TCEA3: variants seen among roughly 807,000 people sequenced by gnomAD.
The protein encoded by TCEA3 is transcription elongation factor A protein 3.
A neutral mutation model predicts 44.0 loss-of-function variants in TCEA3; 36 were observed. The ratio of observed to expected loss-of-function variants is 0.82; its 90% CI spans 0.63 to 1.08. TCEA3 has a LOEUF of 1.08. Among genes scored for constraint, TCEA3 ranks in the 50% least tolerant of loss-of-function variants. The probability of loss-of-function intolerance (pLI) is 0.00; values close to 1 mark genes in which losing one functional copy is unlikely to be tolerated. For synonymous variants in TCEA3, 162 were observed against 159.7 expected (o/e 1.01, Z -0.11); for missense variants, 392 against 441.2 (o/e 0.89, Z 1.00).
intron 2 of TCEA3, 51 bp downstream of exon 2, chr1:23,419,026 C>T (rs1314183020): frequency 2.0e-6 from 2 of 1,006,874 alleles, no homozygotes; most frequent in Admixed American, 3.2e-5. Flanking sequence ...TTCCCTCCCC[C>T]ACCAGCTCTC....
At chr1:23,399,140 A>ATATG (rs201022740) in intron 5 of TCEA3, among the ~76,000 whole-genome samples, 4 of 74,032 alleles carry the variant, frequency 5.4e-5, no homozygotes, top group African/African-American at 8.1e-5. Flanking sequence ...ATATATGTAT[A>ATATG]TATGTATATA....
chr1:23,386,967 G>A (rs985185642), intron 9 of TCEA3, among the ~76,000 whole-genome samples: 4 of 152,092 alleles, frequency 2.6e-5, no homozygotes, highest in African/African-American at 7.2e-5. Flanking sequence ...TGATCCGCCC[G>A]TCTTGGCCTC....
At chr1:23,385,352 G>A (rs185981605) in intron 9 of TCEA3, among the ~76,000 whole-genome samples, 206 of 152,352 alleles carry the variant, frequency 1.4e-3, no homozygotes, top group East Asian at 1.9e-3. Context: ...ACAGCTTAGC[G>A]CAGCCTGGTC....
chr1:23,407,449 C>G (rs1383713012), intron 5 of TCEA3, among the ~76,000 whole-genome samples: 1 of 152,092 alleles, frequency 6.6e-6, no homozygotes, highest in Non-Finnish European at 1.5e-5. Context: ...TTCCCCCAAC[C>G]CTCCCCTTCG....
chr1:23,417,143 T>A (rs746957069), intron 4 of TCEA3, 106 bp downstream of exon 4: 204 of 1,395,982 alleles, frequency 1.5e-4, no homozygotes, highest in Non-Finnish European at 1.8e-4. Flanking sequence ...AATACCAATA[T>A]CTTCCTCCCC....
At chr1:23,406,357 C>T (rs1639544732) in intron 5 of TCEA3, among the ~76,000 whole-genome samples, 1 of 152,186 alleles carries the variant, frequency 6.6e-6, no homozygotes, top group Non-Finnish European at 1.5e-5. Flanking sequence ...GCTCTCACAC[C>T]TACTCTCCCA....
chr1:23,409,843 C>T (rs1351313839), intron 4 of TCEA3, among the ~76,000 whole-genome samples: 2 of 152,094 alleles, frequency 1.3e-5, no homozygotes, highest in African/African-American at 4.8e-5. Flanking sequence ...GCCACTGTGT[C>T]TGGCCAATTT....
At chr1:23,386,724 AT>A (rs35510531) in intron 9 of TCEA3, among the ~76,000 whole-genome samples, 128,282 of 149,780 alleles carry the variant, frequency 0.86, 55,535 homozygotes, top group Non-Finnish European at 0.91. Flanking sequence ...TGCCTGGCTA[AT>A]TTTTTTTTTC....
At chr1:23,387,669 G>A (rs976481563) in intron 8 of TCEA3, among the ~76,000 whole-genome samples, 8 of 152,204 alleles carry the variant, frequency 5.3e-5, no homozygotes, top group Admixed American at 2.0e-4. Context: ...GCCTCTGCCC[G>A]AGGACGAGCA....
rs72882973 is a variant in TCEA3, at chr1:23,403,017, C to T, written c.444-5062G>A. Among the ~76,000 whole-genome samples the T allele has an allele frequency of 6.5e-3, 995 of 152,294 alleles. 15 individuals carry two copies. The highest frequency in any genetic ancestry group is 0.022 in the African/African-American group (934 of 41,564). On this transcript the variant is annotated intron_variant, in intron 5 of 10. Transcript: ENST00000450454. ...AGAGGGATCTCTCTCTCTGGGAGTA[C>T]GAGAGGGATCTCTCTCAAAGCCAGC...
intron 10 of TCEA3, among the ~76,000 whole-genome samples, chr1:23,382,150 G>A (rs534875106): frequency 2.6e-5 from 4 of 151,444 alleles, no homozygotes; most frequent in Non-Finnish European, 4.4e-5. Flanking sequence ...GAGTTCAAGC[G>A]AGTCTCCTGC....
intron 8 of TCEA3, among the ~76,000 whole-genome samples, chr1:23,392,427 ACTC>A (rs2148551934): frequency 1.0e-4 from 2 of 19,580 alleles, no homozygotes; most frequent in East Asian, 1.7e-3. Context: ...ATACACACAC[ACTC>A]CACACATCAT....
intron 1 of TCEA3, among the ~76,000 whole-genome samples, chr1:23,424,211 CA>C (rs1405721088): frequency 6.6e-6 from 1 of 151,644 alleles, no homozygotes; most frequent in African/African-American, 2.4e-5. Context: ...TTGCACACGC[CA>C]AGCCCTGGGA....
chr1:23,424,530 G>A, intron 1 of TCEA3, 35 bp downstream of exon 1: 1 of 1,580,844 alleles, frequency 6.3e-7, no homozygotes, highest in Non-Finnish European at 8.6e-7. Flanking sequence ...CGCCTCCCGG[G>A]GGCGGGGGCC....
intron 4 of TCEA3, among the ~76,000 whole-genome samples, chr1:23,413,104 A>T (rs1408257422): frequency 6.6e-6 from 1 of 152,180 alleles, no homozygotes; most frequent in Non-Finnish European, 1.5e-5. Flanking sequence ...AAATTTTATT[A>T]ACAAAATATA....
chr1:23,402,966 C>G (rs1274200468), intron 5 of TCEA3, among the ~76,000 whole-genome samples: 1 of 152,188 alleles, frequency 6.6e-6, no homozygotes, highest in Non-Finnish European at 1.5e-5. Context: ...TTTGGAAGGA[C>G]AGTGGCCCCA....
intron 8 of TCEA3, among the ~76,000 whole-genome samples, chr1:23,389,648 T>C (rs542019552): frequency 2.6e-5 from 4 of 152,120 alleles, no homozygotes; most frequent in Admixed American, 6.5e-5. Context: ...AGACTCCGTC[T>C]CAAAAAACAA....
In TCEA3 at chr1:23,384,412, C is replaced by G. The variant is rs1242689192; in HGVS notation, c.972G>C (p.Gln324His). 6.2e-7 allele frequency: 1 copy of G among 1,612,940 alleles called. No individual in the cohort carries two copies. Among genetic ancestry groups the G allele is most frequent in the African/African-American group, 1.3e-5 (1 of 75,070 alleles). ...TCATGGGCTCATCAGCACTGCGTGT[C>G]TGCACCTGAGAGAGAGAAGAACCAC... Reference protein sequence around the residue: ...KKKNCTYNQVQTRSADEPMTT... With the variant: ...KKKNCTYNQVHTRSADEPMTT... The change falls in exon 10 of 11, where the codon CAG (glutamine) becomes CAC (histidine). Residue 324 changes from glutamine to histidine, a missense_variant. Gln to His is a conservative substitution (Grantham distance 24). Coordinates refer to ENST00000450454, the MANE Select transcript of TCEA3 (RefSeq NM_003196.3).
At chr1:23,407,728 G>C (rs1030001163) in intron 5 of TCEA3, among the ~76,000 whole-genome samples, 1 of 151,720 alleles carries the variant, frequency 6.6e-6, no homozygotes, top group African/African-American at 2.4e-5. Context: ...TAGAATAAAG[G>C]CCCCCATCAC....
Sources: gnomAD v4.1 joint callset for allele counts (sites outside exome capture counted in the v4.1 genomes callset) on GRCh38, gnomAD v4.1.1 for gene constraint, MANE v1.5 for transcripts, NCBI Gene and HGNC (gene_info 2026-07-23, HGNC 2026-07-21) for gene names.